The following C9orf152 variants were observed in gnomAD, a reference collection of about 807,000 sequenced individuals.
C9orf152 encodes uncharacterized protein C9orf152.
In C9orf152, 8 loss-of-function variants were observed where a neutral mutation model predicts 8.5. That is an observed-to-expected ratio of 0.94 (90% CI 0.55 to 1.70). C9orf152 has a LOEUF of 1.70. Ranked by LOEUF, C9orf152 falls within the 40% of genes most tolerant of loss-of-function variation. The pLI is 0.00. For missense variants in C9orf152, 293 were observed against 286.2 expected, an observed-to-expected ratio of 1.02 and a Z score of -0.17; for synonymous variants, 109 against 113.0, an observed-to-expected ratio of 0.96 and a Z score of 0.22.
In C9orf152 at chr9:110,207,335, C is replaced by G. The variant is rs953237603; in HGVS notation, c.193+52G>C. On this transcript the variant is annotated intron_variant, in intron 1 of 1. Transcript: ENST00000400613. ...GCTCTGCCTCCCTGCAGCTCTGCCA[C>G]TCAGGTCTCCCATGGTAAGTCTCTC... The G allele has an allele frequency of 5.1e-6, 8 of 1,572,382 alleles. No individual in the cohort carries two copies. In the African/African-American group the frequency reaches 8.3e-5, roughly 16 times the overall value.
chr9:110,206,798 A>G (rs575793613), intron 1 of C9orf152, among the ~76,000 whole-genome samples: 1 of 152,292 alleles, frequency 6.6e-6, no homozygotes, highest in South Asian at 2.1e-4. Flanking sequence ...GGGATTTGAC[A>G]TGCCCTTGCT....
chr9:110,204,568 A>T (rs1330767885), intron 1 of C9orf152, among the ~76,000 whole-genome samples: 1 of 152,148 alleles, frequency 6.6e-6, no homozygotes, highest in Non-Finnish European at 1.5e-5. Flanking sequence ...TGGCTTCATG[A>T]CATTAATTGC....
Position 110,201,024 on chromosome 9 carries a change from T to C in C9orf152, c.644A>G (p.Tyr215Cys), listed in dbSNP as rs1837210574. 6.2e-7 allele frequency: 1 copy of C among 1,614,216 alleles called. No homozygotes were observed. Among genetic ancestry groups the C allele is most frequent in the Non-Finnish European group, 8.5e-7 (1 of 1,180,046 alleles). The change falls in exon 2 of 2, where the codon TAC (tyrosine) becomes TGC (cysteine). Residue 215 changes from tyrosine to cysteine, a missense_variant. By Grantham distance (194) the Tyr-to-Cys change is radical. Coordinates refer to ENST00000400613, the MANE Select transcript of C9orf152 (RefSeq NM_001012993.3). ...KNPHRSGKPA[Y>C]YPFPQRKTPR... ...TGTTTTCCTCTGGGGAAATGGATAG[T>C]AAGCTGGTTTGCCAGACCTGTGTGG... is the stretch of plus-strand genomic sequence containing the variant.
chr9:110,204,298 C>T (rs984672033), intron 1 of C9orf152, among the ~76,000 whole-genome samples: 9 of 152,190 alleles, frequency 5.9e-5, no homozygotes, highest in Non-Finnish European at 7.3e-5. Flanking sequence ...AGGGAAGGCA[C>T]GCTGCTACTT....
In C9orf152 at chr9:110,207,678, A is replaced by C. The variant is rs1205210838; in HGVS notation, c.-99T>G. ...TGAGGGAGAAGGAGAAGTGACGGGC[A>C]AAAGGAGGGTGGAAAGAGGAGTGGG... On this transcript the variant is annotated 5_prime_UTR_variant, in exon 1 of 2. Coordinates refer to ENST00000400613, the MANE Select transcript of C9orf152 (RefSeq NM_001012993.3). 1.1e-6 allele frequency: 1 copy of C among 878,772 alleles called. No individual in the cohort carries two copies. The highest frequency in any genetic ancestry group is 1.7e-5 in the African/African-American group (1 of 57,442). 54.4% of individuals were successfully genotyped at this position (878,772 alleles called of 1,614,324 possible).
At position 110,207,418 on chromosome 9, in the gene C9orf152, C is replaced by T; in HGVS notation, c.162G>A (p.Arg54=). ...GAAGCACCAGGAGGTGGGCCTGGGT[C>T]CTCTGCTGCCTCTTCAAGCCTTCAT... is the stretch of plus-strand genomic sequence containing the variant. ...AQYEGLKRQQ[R]TQAHLLVLPK... The change falls in exon 1 of 2, where the codon AGG becomes AGA. Residue 54 remains arginine, a synonymous_variant. Coordinates refer to ENST00000400613, the MANE Select transcript of C9orf152 (RefSeq NM_001012993.3). 6.2e-7 allele frequency: 1 copy of T among 1,613,096 alleles called. No homozygotes were observed. Among genetic ancestry groups the T allele is most frequent in the South Asian group, 1.1e-5 (1 of 90,886 alleles).
At position 110,207,525 on chromosome 9, in the gene C9orf152, A is replaced by G. The variant is rs755355455; in HGVS notation, c.55T>C (p.Ser19Pro). 7 of 1,609,088 alleles carry G rather than the reference A, an allele frequency of 4.4e-6. No homozygotes were observed. The highest frequency in any genetic ancestry group is 5.1e-6 in the Non-Finnish European group (6 of 1,178,174). ...PALPHFWQLR[S>P]HLMAEGSRTQ... is the part of the protein sequence containing the mutation. The stretch of plus-strand genomic sequence containing the variant: ...CTGGAGCCCTCAGCCATTAAGTGAG[A>G]CCTAAGCTGCCAGAAGTGGGGCAGG... Residue 19 changes from serine (S) to proline (P), a missense_variant, in exon 1 of 2, where the codon TCT becomes CCT. By Grantham distance (74) the Ser-to-Pro change is moderately conservative. Transcript: ENST00000400613.
chr9:110,201,858 G>T (rs1008282988), intron 1 of C9orf152, among the ~76,000 whole-genome samples: 1 of 152,088 alleles, frequency 6.6e-6, no homozygotes, highest in African/African-American at 2.4e-5. Context: ...ATTTCGGGTG[G>T]CAATCAATGC....
In C9orf152 at chr9:110,207,383, C is replaced by T. The variant is rs760442148; in HGVS notation, c.193+4G>A. On this transcript the variant is annotated splice_donor_region_variant and intron_variant, in intron 1 of 1. Coordinates refer to ENST00000400613, the MANE Select transcript of C9orf152 (RefSeq NM_001012993.3). ...CTCCTTCCCCAGCACCTGTCCATTC[C>T]TACCTTTTGGAAGCACCAGGAGGTG... The T allele has an allele frequency of 1.9e-6, 3 of 1,611,908 alleles. No individual in the cohort carries two copies. The highest frequency in any genetic ancestry group is 3.4e-5 in the Admixed American group (2 of 59,582).
rs78835206 is a variant in C9orf152 at position 110,201,179 on chromosome 9, A to G, written c.489T>C (p.Asn163=). The G allele has an allele frequency of 7.8e-3, 12,528 of 1,614,022 alleles. 776 individuals carry two copies. In the African/African-American group the frequency reaches 0.14, roughly 18 times the overall value. The change falls in exon 2 of 2, where the codon AAT becomes AAC. Residue 163 remains asparagine (N), a synonymous_variant. Transcript: ENST00000400613. ...TTCCGGTTCCTTGCTGAGTCATCTG[A>G]TTGGTTTCAAACAAGTGTGTGTCTC... ...PEGDTHLFET[N]QMTQQGTGIP...
At chr9:110,202,560 G>A (rs996315333) in intron 1 of C9orf152, among the ~76,000 whole-genome samples, 2 of 152,132 alleles carry the variant, frequency 1.3e-5, no homozygotes, top group Non-Finnish European at 2.9e-5. Context: ...GGTGAAAGAG[G>A]CAGACCAATG....
intron 1 of C9orf152, among the ~76,000 whole-genome samples, chr9:110,206,857 C>T (rs115102570): frequency 0.01 from 1,599 of 152,326 alleles, 32 homozygotes; most frequent in African/African-American, 0.036. Context: ...ATCTGAGTTC[C>T]TAAAGGGAGG....
chr9:110,204,425 G>A (rs895513388), intron 1 of C9orf152, among the ~76,000 whole-genome samples: 2 of 152,144 alleles, frequency 1.3e-5, no homozygotes, highest in South Asian at 4.2e-4. Flanking sequence ...GCTTCTAAAC[G>A]CAACCCAATG....
chr9:110,205,263 A>C (rs1249384461), intron 1 of C9orf152, among the ~76,000 whole-genome samples: 1 of 150,392 alleles, frequency 6.6e-6, no homozygotes, highest in African/African-American at 2.4e-5. Context: ...CTCTCTACAA[A>C]AAGCCTTTTT....
intron 1 of C9orf152, among the ~76,000 whole-genome samples, chr9:110,203,847 A>G (rs1288183341): frequency 6.6e-6 from 1 of 152,122 alleles, no homozygotes; most frequent in East Asian, 1.9e-4. Flanking sequence ...AGTGGGGATG[A>G]AGGAAGCGGG....
rs1837201154 is a variant in C9orf152 at position 110,200,435 on chromosome 9, A to G, written c.*513T>C. 1 of 153,292 alleles carries G rather than the reference A, an allele frequency of 6.5e-6. No individual in the cohort carries two copies. The highest frequency in any genetic ancestry group is 2.1e-4 in the South Asian group (1 of 4,848). 9.5% of individuals were successfully genotyped at this position (153,292 alleles called of 1,614,324 possible). On this transcript the variant is annotated 3_prime_UTR_variant, in exon 2 of 2. Transcript: ENST00000400613. ...GTGATCACTGCCAATGAGTGTTGTG[A>G]CTTCTAAGTGAGATGGCCCCCCAGA...
intron 1 of C9orf152, among the ~76,000 whole-genome samples, chr9:110,202,829 G>A (rs1356265800): frequency 6.6e-6 from 1 of 151,944 alleles, no homozygotes; most frequent in Non-Finnish European, 1.5e-5. Context: ...GAAGAATAAA[G>A]TCAGAAAGAA....
chr9:110,200,932 G>C lies in C9orf152; in HGVS notation c.*16C>G. 1 of 1,577,578 alleles carries C rather than the reference G, an allele frequency of 6.3e-7. No individual in the cohort carries two copies. Among genetic ancestry groups the C allele is most frequent in the South Asian group, 1.2e-5 (1 of 82,872 alleles). On this transcript the variant is annotated 3_prime_UTR_variant, in exon 2 of 2. Transcript: ENST00000400613. ...AGGTGGCCTCAAGGTCAAGACATCT[G>C]GCAGAATAGAAAGCTTCACGCTGAG...
intron 1 of C9orf152, among the ~76,000 whole-genome samples, chr9:110,206,388 G>A (rs1837274738): frequency 6.6e-6 from 1 of 152,222 alleles, no homozygotes; most frequent in Admixed American, 6.5e-5. Flanking sequence ...ATTGATAAAT[G>A]TTTGTTGAAT....
Sources: gnomAD v4.1 joint callset for allele counts (sites outside exome capture counted in the v4.1 genomes callset) on GRCh38, gnomAD v4.1.1 for gene constraint, MANE v1.5 for transcripts, NCBI Gene and HGNC (gene_info 2026-07-23, HGNC 2026-07-21) for gene names.